Variants in AFF3 observed in about 807,000 individuals in gnomAD.
AFF3 encodes AF4/FMR2 family member 3.
AFF3 carries 32 observed loss-of-function variants against 129.7 expected under a neutral mutation model. The observed-to-expected ratio is 0.25, with a 90% CI of 0.19 to 0.33. The LOEUF (loss-of-function observed/expected upper bound fraction) is 0.33, where lower values mean the gene tolerates loss of function less well. Among genes scored for constraint, AFF3 ranks in the 10% least tolerant of loss-of-function variants. AFF3 has a pLI of 1.00. For synonymous variants in AFF3, 644 were observed against 635.4 expected (o/e 1.01, Z -0.20); for missense variants, 1,373 against 1,592.0 (o/e 0.86, Z 2.34).
At position 99,582,964 on chromosome 2, in the gene AFF3, A is replaced by G; in HGVS notation, c.2627T>C (p.Leu876Pro). ...AGAGAGGGGTGAGATGGGCGACCGA[A>G]GCATTTTTTCATTTTTATTTATTGG... is the stretch of plus-strand genomic sequence containing the variant. ...AIPINKNEKM[L>P]RSPISPLSDA... The change falls in exon 17 of 25, where the codon CTT becomes CCT. Residue 876 changes from leucine (L) to proline (P), a missense_variant. Coordinates refer to ENST00000672756, the MANE Select transcript of AFF3 (RefSeq NM_001386135.1). The G allele has an allele frequency of 6.2e-7, 1 of 1,614,126 alleles. No individual in the cohort carries two copies. Among genetic ancestry groups the G allele is most frequent in the Non-Finnish European group, 8.5e-7 (1 of 1,180,020 alleles).
chr2:99,747,222 G>A (rs1470037652), intron 9 of AFF3, among the ~76,000 whole-genome samples: 1 of 152,064 alleles, frequency 6.6e-6, no homozygotes, highest in African/African-American at 2.4e-5. Flanking sequence ...TAGAGATGGG[G>A]TTTCACCATG....
chr2:99,830,289 A>G (rs1016901558), intron 8 of AFF3, among the ~76,000 whole-genome samples: 2 of 152,168 alleles, frequency 1.3e-5, no homozygotes, highest in African/African-American at 4.8e-5. Flanking sequence ...AAAGTAAAAA[A>G]AAAATAAAAA....
chr2:99,634,735 GT>G lies in AFF3; in HGVS notation c.1184+14890del, dbSNP rs879617006. 6.2e-4 allele frequency among the ~76,000 whole-genome samples: 90 copies of G among 145,972 alleles called. No homozygotes were observed. The East Asian group carries it at 6.9e-3, about 11-fold the overall frequency. ...TAAACACAACCATTGCACTTTTCAA[GT>G]TTTTTTTTTTTGTCATCTTCTATAT... On this transcript the variant is annotated intron_variant, in intron 13 of 24. Transcript: ENST00000672756.
intron 7 of AFF3, among the ~76,000 whole-genome samples, chr2:99,897,311 A>G (rs1048875612): frequency 6.6e-6 from 1 of 152,156 alleles, no homozygotes; most frequent in Non-Finnish European, 1.5e-5. Context: ...TTTCAGTCAC[A>G]TGCAATTAAT....
At chr2:99,720,420 C>T (rs1332100039) in intron 11 of AFF3, among the ~76,000 whole-genome samples, 2 of 152,144 alleles carry the variant, frequency 1.3e-5, no homozygotes, top group Non-Finnish European at 2.9e-5. Context: ...TTTCCCTCTT[C>T]GCACCTGCCC....
At chr2:99,676,753 T>C (rs1050209891) in intron 11 of AFF3, among the ~76,000 whole-genome samples, 1 of 152,166 alleles carries the variant, frequency 6.6e-6, no homozygotes, top group Non-Finnish European at 1.5e-5. Flanking sequence ...GTCATGTTCC[T>C]GAGAGATGGT....
intron 8 of AFF3, among the ~76,000 whole-genome samples, chr2:99,828,862 A>C (rs1264692626): frequency 6.6e-6 from 1 of 152,206 alleles, no homozygotes; most frequent in Non-Finnish European, 1.5e-5. Flanking sequence ...ACACGTACAC[A>C]CATTCACATT....
intron 11 of AFF3, among the ~76,000 whole-genome samples, chr2:99,689,082 C>A (rs1314016597): frequency 2.6e-5 from 4 of 152,132 alleles, no homozygotes; most frequent in Non-Finnish European, 5.9e-5. Flanking sequence ...ATTTCTCAAG[C>A]TTTTCTTGGA....
chr2:99,696,985 C>A (rs919424460), intron 11 of AFF3, among the ~76,000 whole-genome samples: 2 of 152,188 alleles, frequency 1.3e-5, no homozygotes, highest in Non-Finnish European at 2.9e-5. Flanking sequence ...GACCTGCCAG[C>A]CTTGCAGTTT....
At chr2:100,032,179 C>T (rs1198436968) in intron 4 of AFF3, among the ~76,000 whole-genome samples, 2 of 152,126 alleles carry the variant, frequency 1.3e-5, no homozygotes, top group South Asian at 2.1e-4. Flanking sequence ...GTAATCCTAG[C>T]ACTTTGGGTG....
At chr2:99,615,788 G>T in intron 13 of AFF3, among the ~76,000 whole-genome samples, 1 of 152,234 alleles carries the variant, frequency 6.6e-6, no homozygotes, top group East Asian at 1.9e-4. Context: ...GGCTGCCCCA[G>T]ATGAGCGAAT....
intron 12 of AFF3, 58 bp from the exon 13 acceptor site, chr2:99,649,724 C>T (rs1685058469): frequency 6.3e-7 from 1 of 1,586,834 alleles, no homozygotes; most frequent in African/African-American, 1.3e-5. Flanking sequence ...GAATTACGTG[C>T]TCAATGAACA....
rs572407716 is a variant in AFF3 at position 99,832,952 on chromosome 2, C to T, written c.921+4525G>A. Among the ~76,000 whole-genome samples, 21 of 152,186 alleles carry T rather than the reference C, an allele frequency of 1.4e-4. No homozygotes were observed. In the South Asian group the frequency reaches 3.9e-3, roughly 29 times the overall value. ...TAACTTATAAAGGAAACAGTATGAG[C>T]TAGAAAAAAAAGCCTGCCTGGTCTG... is the stretch of plus-strand genomic sequence containing the variant. On this transcript the variant is annotated intron_variant, in intron 8 of 24. Transcript: ENST00000672756.
chr2:99,721,921 T>C (rs1260797094), intron 11 of AFF3, among the ~76,000 whole-genome samples: 1 of 152,262 alleles, frequency 6.6e-6, no homozygotes, highest in Non-Finnish European at 1.5e-5. Flanking sequence ...ATCAGACTAC[T>C]TGATATTATC....
At chr2:99,637,600 A>G (rs1683785630) in intron 13 of AFF3, among the ~76,000 whole-genome samples, 1 of 152,216 alleles carries the variant, frequency 6.6e-6, no homozygotes, top group Non-Finnish European at 1.5e-5. Context: ...CCGACCACCA[A>G]TTAACCAATC....
chr2:99,702,701 T>C (rs1676981705), intron 11 of AFF3, among the ~76,000 whole-genome samples: 1 of 152,242 alleles, frequency 6.6e-6, no homozygotes, highest in African/African-American at 2.4e-5. Context: ...ATTTGCCATC[T>C]GTATATTCAC....
intron 13 of AFF3, among the ~76,000 whole-genome samples, chr2:99,626,551 T>TCCCTCCCCTC (rs1195223390): frequency 9.1e-6 from 1 of 109,862 alleles, no homozygotes; most frequent in Non-Finnish European, 1.9e-5. Context: ...TTCTCCCTTC[T>TCCCTCCCCTC]CCCTCCCCTC....
intron 8 of AFF3, among the ~76,000 whole-genome samples, chr2:99,759,994 A>G (rs542016204): frequency 1.3e-5 from 2 of 152,358 alleles, no homozygotes; most frequent in East Asian, 3.9e-4. Flanking sequence ...AAATGGGGAT[A>G]TAACTATCCC....
intron 11 of AFF3, among the ~76,000 whole-genome samples, chr2:99,708,096 G>A (rs1236937074): frequency 1.3e-5 from 2 of 152,068 alleles, no homozygotes; most frequent in Non-Finnish European, 2.9e-5. Context: ...TATTGCATGA[G>A]ACACATTTAC....
Sources: allele counts gnomAD v4.1 joint callset (sites outside exome capture counted in the v4.1 genomes callset), GRCh38; gene constraint gnomAD v4.1.1; transcripts MANE v1.5; gene names NCBI Gene and HGNC (gene_info 2026-07-23, HGNC 2026-07-21).